The following KLC4 variants were observed in gnomAD, a reference collection of about 807,000 sequenced individuals.
KLC4 encodes kinesin light chain 4, also known as kinesin-like protein 8.
Under a neutral mutation model 77.2 loss-of-function variants are expected in KLC4, and 49 were observed. The observed-to-expected ratio is 0.63, with a 90% confidence interval of 0.50 to 0.80. The LOEUF (loss-of-function observed/expected upper bound fraction) is 0.80, where lower values mean the gene tolerates loss of function less well. Ranked by LOEUF, KLC4 falls within the 30% of genes least tolerant of loss-of-function variation. KLC4 has a pLI of 0.00. For synonymous variants in KLC4, 274 were observed against 314.5 expected, an observed-to-expected ratio of 0.87 and a Z score of 1.36; for missense variants, 669 against 793.5, an observed-to-expected ratio of 0.84 and a Z score of 1.89.
intron 1 of KLC4, 186 bp from the exon 2 acceptor site, chr6:43,061,125 C>G: frequency 1.6e-6 from 1 of 623,530 alleles, no homozygotes; most frequent in Non-Finnish European, 2.8e-6. Flanking sequence ...CTCGCTTTGC[C>G]CACAACCTTA....
chr6:43,059,837 C>T (rs1429149336), intron 1 of KLC4, 152 bp downstream of exon 1: 15 of 1,167,906 alleles, frequency 1.3e-5, no homozygotes, highest in East Asian at 5.0e-5. Flanking sequence ...CCCCGCCCCT[C>T]GGCGTCCAGA....
chr6:43,064,318 G>C (rs1379420497), intron 3 of KLC4, among the ~76,000 whole-genome samples: 1 of 152,246 alleles, frequency 6.6e-6, no homozygotes, highest in African/African-American at 2.4e-5. Flanking sequence ...AATTCATAGA[G>C]GAAGCAGGGA....
rs571426346 is a variant in KLC4, at chr6:43,064,089, C to T, written c.489+942C>T. Among the ~76,000 whole-genome samples the T allele has an allele frequency of 2.6e-5, 4 of 151,920 alleles. No homozygotes were observed. In the South Asian group the frequency reaches 6.3e-4, roughly 24 times the overall value. On this transcript the variant is annotated intron_variant, in intron 3 of 15. Transcript: ENST00000347162. ...TAGCCTCAAGTGATCTGCCTGCCCT[C>T]GGCCTCCCAAAATGCTGGGATTACA...
chr6:43,062,863 T>G (rs1765229555), intron 2 of KLC4, 54 bp from the exon 3 acceptor site: 3 of 1,490,786 alleles, frequency 2.0e-6, no homozygotes, highest in Non-Finnish European at 2.8e-6. Flanking sequence ...CCCTTCCACC[T>G]GTTCCTGAAT....
chr6:43,059,685 G>C lies in KLC4; in HGVS notation c.-26G>C. On this transcript the variant is annotated splice_region_variant and 5_prime_UTR_variant, in exon 1 of 16. Coordinates refer to ENST00000347162, the MANE Select transcript of KLC4 (RefSeq NM_201521.3). ...GCGGCAGCCACACCGGCAGATTGCA[G>C]GTGAGTCTTTGAGGGTATCCTGGGG... 1 of 1,335,752 alleles carries C rather than the reference G, an allele frequency of 7.5e-7. No individual in the cohort carries two copies. 82.7% of individuals were successfully genotyped at this position (1,335,752 alleles called of 1,614,324 possible).
intron 15 of KLC4, 58 bp downstream of exon 15, chr6:43,074,023 C>A: frequency 7.4e-7 from 1 of 1,354,676 alleles, no homozygotes; most frequent in Non-Finnish European, 1.0e-6. Context: ...AGCCAGTGAG[C>A]AAGCCCAGTG....
At position 43,061,414 on chromosome 6, in the gene KLC4, C is replaced by T. The variant is rs149718842; in HGVS notation, c.79C>T (p.Arg27Trp). Residue 27 changes from arginine (R) to tryptophan (W), a missense_variant, in exon 2 of 16, where the codon CGG (arginine) becomes TGG (tryptophan). Physicochemically the swap from Arg to Trp is moderately radical, Grantham distance 101. Coordinates refer to ENST00000347162, the MANE Select transcript of KLC4 (RefSeq NM_201521.3). ...CCAAGAGGAGATCCTGGGGAGCACA[C>T]GGCTGGTCAGCCAAGGGCTAGAGGC... ...LSQEEILGST[R>W]LVSQGLEALR... The T allele has an allele frequency of 2.2e-4, 363 of 1,614,122 alleles. 2 individuals carry two copies. The highest frequency in any genetic ancestry group is 1.3e-3 in the Middle Eastern group (8 of 6,056).
In KLC4 at chr6:43,071,156, G is replaced by A. The variant is rs1765701427; in HGVS notation, c.1156-119G>A. ...AAAGATCTCTGGGGAAAGTGAGAGA[G>A]ACACTGAGAAGTGGAACTCCCTGAG... On this transcript the variant is annotated intron_variant, in intron 8 of 15. Transcript: ENST00000347162. The A allele has an allele frequency of 9.1e-6, 6 of 658,818 alleles. No individual in the cohort carries two copies. The South Asian group carries it at 1.2e-4, about 13-fold the overall frequency. 40.8% of individuals were successfully genotyped at this position (658,818 alleles called of 1,614,324 possible). A position where few individuals can be genotyped will look rare whatever the true frequency, so the allele number is the denominator to read the frequency against.
At chr6:43,073,833 G>C in intron 14 of KLC4, 69 bp from the exon 15 acceptor site, 1 of 1,399,510 alleles carries the variant, frequency 7.1e-7, no homozygotes, top group Non-Finnish European at 1.0e-6. Context: ...CAGTGCTCAA[G>C]AGGCCCACAG....
chr6:43,072,141 C>T lies in KLC4; in HGVS notation c.1380-6C>T, dbSNP rs777412198. 5.2e-5 allele frequency: 84 copies of T among 1,610,184 alleles called. No individual in the cohort carries two copies. Among genetic ancestry groups the T allele is most frequent in the Admixed American group, 1.5e-4 (9 of 59,968 alleles). ...TCTTCCTTCTCTGGTCTCTTTCTCA[C>T]CACAGCCCCACAGTGAACACTACTC... On this transcript the variant is annotated splice_region_variant and splice_polypyrimidine_tract_variant and intron_variant, in intron 11 of 15. Transcript: ENST00000347162.
intron 2 of KLC4, among the ~76,000 whole-genome samples, chr6:43,062,031 A>G (rs143846267): frequency 6.6e-6 from 1 of 152,328 alleles, no homozygotes; most frequent in East Asian, 1.9e-4. Flanking sequence ...GAGTCATGCC[A>G]TAAACAGGGG....
intron 3 of KLC4, among the ~76,000 whole-genome samples, chr6:43,064,143 T>A (rs770669578): frequency 1.5e-4 from 23 of 151,982 alleles, no homozygotes; most frequent in South Asian, 6.2e-4. Context: ...TGGCTGAGAG[T>A]GTGTGTTTTC....
Position 43,072,678 on chromosome 6 carries a change from A to T in KLC4, c.1489-146A>T, listed in dbSNP as rs537770453. On this transcript the variant is annotated intron_variant, in intron 12 of 15. Transcript: ENST00000347162. ...TATAGCAATGCATTGCAAATAGAAA[A>T]GGTAAGTATTATTCCAGTAGGTATA... is the stretch of plus-strand genomic sequence containing the variant. 14 of 695,670 alleles carry T rather than the reference A, an allele frequency of 2.0e-5. No homozygotes were observed. The African/African-American group carries it at 2.3e-4, about 12-fold the overall frequency. 43.1% of individuals were successfully genotyped at this position (695,670 alleles called of 1,614,324 possible). A position where few individuals can be genotyped will look rare whatever the true frequency, so the allele number is the denominator to read the frequency against.
chr6:43,060,218 G>T (rs1765069977), intron 1 of KLC4: 1 of 1,614,058 alleles, frequency 6.2e-7, no homozygotes, highest in Admixed American at 1.7e-5. Context: ...CCATGGAAGT[G>T]ACTGGGTTTG....
rs1258075515 is a variant in KLC4, at chr6:43,072,841, C to T, written c.1506C>T (p.Ser502=). 1 of 1,613,782 alleles carries T rather than the reference C, an allele frequency of 6.2e-7. No individual in the cohort carries two copies. Among genetic ancestry groups the T allele is most frequent in the African/African-American group, 1.3e-5 (1 of 74,896 alleles). ...RSRRQGTDPI[S]QTKVAELLGE... is the part of the protein sequence containing the mutation. ...CCTTCCAGGGCACTGACCCTATCAG[C>T]CAGACGAAGGTGGCAGAGCTGCTTG... Residue 502 remains serine (S), a synonymous_variant, in exon 13 of 16, where the codon AGC becomes AGT. Transcript: ENST00000347162.
rs779299537 is a variant in KLC4 at position 43,071,556 on chromosome 6, A to G, written c.1256-11A>G. ...CATCTCTAACCTCCCCACCCCATGT[A>G]TCACCCCTAGATGACCACAAGCCCA... On this transcript the variant is annotated splice_polypyrimidine_tract_variant and intron_variant, in intron 9 of 15. Transcript: ENST00000347162. The G allele has an allele frequency of 1.9e-6, 3 of 1,611,912 alleles. No individual in the cohort carries two copies. The highest frequency in any genetic ancestry group is 2.5e-6 in the Non-Finnish European group (3 of 1,178,796).
intron 12 of KLC4, among the ~76,000 whole-genome samples, 171 bp downstream of exon 12, chr6:43,072,426 C>T (rs1765778684): frequency 6.6e-6 from 1 of 152,038 alleles, no homozygotes; most frequent in Admixed American, 6.6e-5. Context: ...ATGTTCTTAC[C>T]CCCCACCTGC....
In KLC4 at chr6:43,065,340, C is replaced by T. The variant is rs1177646322; in HGVS notation, c.490-280C>T. The T allele has an allele frequency of 1.6e-5, 5 of 319,104 alleles. No homozygotes were observed. The East Asian group carries it at 1.9e-4, about 12-fold the overall frequency. 19.8% of individuals were successfully genotyped at this position (319,104 alleles called of 1,614,324 possible). A position where few individuals can be genotyped will look rare whatever the true frequency, so the allele number is the denominator to read the frequency against. On this transcript the variant is annotated intron_variant, in intron 3 of 15. Transcript: ENST00000347162. Reference sequence around the variant, plus strand: ...CTGCCCACCTCGGCCTCCCAAAGTGCTGGGATTACAGGCGTTAGCCACCAC... The same window carrying T: ...CTGCCCACCTCGGCCTCCCAAAGTGTTGGGATTACAGGCGTTAGCCACCAC...
At chr6:43,068,213 C>T (rs1033212457) in intron 6 of KLC4, among the ~76,000 whole-genome samples, 4 of 151,140 alleles carry the variant, frequency 2.6e-5, no homozygotes, top group Non-Finnish European at 5.9e-5. Context: ...GTGGCTCATG[C>T]CTGTAATCCC....
Sources: allele counts gnomAD v4.1 joint callset (sites outside exome capture counted in the v4.1 genomes callset), GRCh38; gene constraint gnomAD v4.1.1; transcripts MANE v1.5; gene names NCBI Gene and HGNC (gene_info 2026-07-23, HGNC 2026-07-21).